Variants in HEATR5B observed in about 807,000 individuals in gnomAD.
HEATR5B encodes the protein HEAT repeat-containing protein 5B.
HEATR5B carries 156 observed loss-of-function variants against 224.1 expected under a neutral mutation model. The ratio of observed to expected loss-of-function variants is 0.70; its 90% CI spans 0.61 to 0.80. HEATR5B has a LOEUF of 0.80. HEATR5B is among the 30% of genes least tolerant of loss of function. The pLI is 0.00. For missense variants in HEATR5B, 2,323 were observed against 2,535.5 expected, an observed-to-expected ratio of 0.92 and a Z score of 1.80; for synonymous variants, 1,027 against 893.0, an observed-to-expected ratio of 1.15 and a Z score of -2.68.
At position 37,056,565 on chromosome 2, in the gene HEATR5B, G is replaced by A; in HGVS notation, c.2274C>T (p.Ser758=). The A allele has an allele frequency of 6.2e-7, 1 of 1,613,024 alleles. No homozygotes were observed. The highest frequency in any genetic ancestry group is 8.5e-7 in the Non-Finnish European group (1 of 1,179,466). The change falls in exon 16 of 36, where the codon TCC becomes TCT. Residue 758 remains serine (S), a synonymous_variant. Coordinates refer to ENST00000233099, the MANE Select transcript of HEATR5B (RefSeq NM_019024.3). ...CAGCAGGTATGCGTAAATAAATAGA[G>A]GAAGGATCATGCTCCAGAGCCCCAC... The part of the protein sequence containing the change: ...SGSGALEHDP[S]SIYLRIPAGE...
chr2:37,058,631 G>A, intron 13 of HEATR5B, 71 bp from the exon 14 acceptor site: 1 of 1,029,696 alleles, frequency 9.7e-7, no homozygotes, highest in East Asian at 2.5e-5. Context: ...TTTTAGCAAT[G>A]TATCAATGTA....
At chr2:37,075,725 G>A (rs1373506716) in intron 4 of HEATR5B, 91 bp from the exon 5 acceptor site, 10 of 800,900 alleles carry the variant, frequency 1.2e-5, no homozygotes, top group East Asian at 2.9e-5. Context: ...TGGGTCTAAT[G>A]GTCTTACCTC....
Position 37,008,704 on chromosome 2 carries a change from G to T in HEATR5B, c.4429C>A (p.Leu1477Ile). Residue 1477 changes from leucine to isoleucine, a missense_variant, in exon 28 of 36, where the codon CTA becomes ATA. By Grantham distance (5) the Leu-to-Ile change is conservative. Coordinates refer to ENST00000233099, the MANE Select transcript of HEATR5B (RefSeq NM_019024.3). ...DSLITLVQPELPTLSRLWLAA... is the reference protein window; with the variant it reads ...DSLITLVQPEIPTLSRLWLAA... Reference sequence around the variant, plus strand: ...AACCACAGGCGACTGAGTGTTGGTAGTTCAGGTTGTACCAGTGTTATTAAA... The same window carrying T: ...AACCACAGGCGACTGAGTGTTGGTATTTCAGGTTGTACCAGTGTTATTAAA... The T allele has an allele frequency of 6.2e-7, 1 of 1,614,106 alleles. No individual in the cohort carries two copies. The highest frequency in any genetic ancestry group is 8.5e-7 in the Non-Finnish European group (1 of 1,179,978).
chr2:37,063,434 A>G (rs1462215578), intron 10 of HEATR5B, among the ~76,000 whole-genome samples: 1 of 152,250 alleles, frequency 6.6e-6, no homozygotes, highest in Non-Finnish European at 1.5e-5. Flanking sequence ...CCAGTTTACC[A>G]GACAAAGGAG....
chr2:37,061,940 T>A lies in HEATR5B; in HGVS notation c.1695A>T (p.Leu565Phe), dbSNP rs774810555. The change falls in exon 11 of 36, where the codon TTA becomes TTT. Residue 565 changes from leucine (L) to phenylalanine (F), a missense_variant and splice_region_variant. Physicochemically the swap from Leu to Phe is conservative, Grantham distance 22 (BLOSUM62 0). Transcript: ENST00000233099. ...GWLLLGALMT[L>F]GPSVVRYHLP... ...AATCCTACTCAAATATAATTATACC[T>A]AAAGTCATAAGTGCTCCAAGTAAAA... 6.3e-7 allele frequency: 1 copy of A among 1,594,710 alleles called. No individual in the cohort carries two copies. The highest frequency in any genetic ancestry group is 8.6e-7 in the Non-Finnish European group (1 of 1,162,650).
intron 17 of HEATR5B, among the ~76,000 whole-genome samples, chr2:37,051,804 A>G (rs1405023509): frequency 6.6e-6 from 1 of 151,794 alleles, no homozygotes; most frequent in Non-Finnish European, 1.5e-5. Context: ...CAATGGCATG[A>G]TCTCGGCTCA....
Position 37,049,680 on chromosome 2 carries a change from G to C in HEATR5B, c.2669C>G (p.Ala890Gly). The C allele has an allele frequency of 1.9e-6, 3 of 1,613,780 alleles. No individual in the cohort carries two copies. In the South Asian group the frequency reaches 3.3e-5, roughly 18 times the overall value. ...AQVVGEATFI[A>G]RMAQYSFDKL... Reference sequence around the variant, plus strand: ...GTCAAAGCTATATTGGGCCATTCTAGCAATAAAAGTTGCTTCTCCAACCAC... The same window carrying C: ...GTCAAAGCTATATTGGGCCATTCTACCAATAAAAGTTGCTTCTCCAACCAC... The change falls in exon 18 of 36, where the codon GCT (alanine) becomes GGT (glycine). Residue 890 changes from alanine (A) to glycine (G), a missense_variant. Physicochemically the swap from Ala to Gly is moderately conservative, Grantham distance 60 (BLOSUM62 0). Coordinates refer to ENST00000233099, the MANE Select transcript of HEATR5B (RefSeq NM_019024.3).
At chr2:37,072,392 A>C (rs1387411540) in intron 5 of HEATR5B, 111 bp from the exon 6 acceptor site, 5 of 661,730 alleles carry the variant, frequency 7.6e-6, no homozygotes, top group Non-Finnish European at 7.5e-6. Context: ...AAACTCGACA[A>C]AATAAATGAA....
At chr2:36,990,905 G>T in intron 33 of HEATR5B, 106 bp from the exon 34 acceptor site, 2 of 924,344 alleles carry the variant, frequency 2.2e-6, no homozygotes, top group Non-Finnish European at 3.1e-6. Flanking sequence ...GTCCAGGCTG[G>T]TCTTGAACTC....
intron 5 of HEATR5B, among the ~76,000 whole-genome samples, chr2:37,075,189 A>C (rs1558380806): frequency 1.3e-5 from 2 of 152,364 alleles, no homozygotes; most frequent in East Asian, 3.9e-4. Flanking sequence ...GAGTGAACAA[A>C]TCAATGTGAC....
chr2:37,002,603 C>T, intron 31 of HEATR5B, 31 bp from the exon 32 acceptor site: 1 of 1,590,028 alleles, frequency 6.3e-7, no homozygotes, highest in Admixed American at 1.8e-5. Context: ...GTGAAATTTC[C>T]AGCCAAAAAA....
rs183434879 is a variant in HEATR5B at position 37,036,441 on chromosome 2, G to T, written c.3216+1414C>A. On this transcript the variant is annotated intron_variant, in intron 21 of 35. Coordinates refer to ENST00000233099, the MANE Select transcript of HEATR5B (RefSeq NM_019024.3). ...TTTTTCTTCCTGTCTAAAAGTAAAT[G>T]CTGTCTACTTCAATATCATGCCCTT... is the stretch of plus-strand genomic sequence containing the variant. Among the ~76,000 whole-genome samples, 7 of 152,064 alleles carry T rather than the reference G, an allele frequency of 4.6e-5. No individual in the cohort carries two copies. The East Asian group carries it at 1.4e-3, about 29-fold the overall frequency.
At chr2:36,995,087 GTTTT>G (rs775120824) in intron 33 of HEATR5B, among the ~76,000 whole-genome samples, 1 of 104,130 alleles carries the variant, frequency 9.6e-6, no homozygotes, top group Non-Finnish European at 1.9e-5. Flanking sequence ...GTTATTCCTT[GTTTT>G]TTTTTTTTTT....
At chr2:37,064,664 C>T in intron 10 of HEATR5B, 76 bp downstream of exon 10, 1 of 1,483,918 alleles carries the variant, frequency 6.7e-7, no homozygotes, top group East Asian at 2.3e-5. Flanking sequence ...CCCTGTTCAA[C>T]ACTAAACACA....
intron 35 of HEATR5B, among the ~76,000 whole-genome samples, chr2:36,983,610 C>A (rs368991189): frequency 6.2e-4 from 94 of 152,058 alleles, no homozygotes; most frequent in African/African-American, 2.2e-3. Flanking sequence ...TGCCTGTAAT[C>A]CCAGCTACTC....
chr2:37,013,766 C>A, intron 27 of HEATR5B, 75 bp downstream of exon 27: 3 of 1,312,652 alleles, frequency 2.3e-6, no homozygotes, highest in South Asian at 1.9e-5. Context: ...ATTTTTTTAC[C>A]AACAAGAGTA....
intron 24 of HEATR5B, among the ~76,000 whole-genome samples, chr2:37,025,880 A>G (rs1470742467): frequency 1.3e-5 from 2 of 152,164 alleles, no homozygotes; most frequent in Non-Finnish European, 2.9e-5. Context: ...TTATTTGGCA[A>G]TCAGCTTTTT....
intron 18 of HEATR5B, among the ~76,000 whole-genome samples, chr2:37,046,993 T>C (rs138396589): frequency 0.038 from 4,895 of 130,102 alleles, 114 homozygotes; most frequent in Non-Finnish European, 0.053. Flanking sequence ...GAGGTTGCAG[T>C]GAGCCAAGAT....
rs781266704 is a variant in HEATR5B at position 37,060,598 on chromosome 2, C to G, written c.1832G>C (p.Arg611Pro). The G allele has an allele frequency of 1.2e-6, 2 of 1,613,552 alleles. No homozygotes were observed. The highest frequency in any genetic ancestry group is 1.3e-5 in the African/African-American group (1 of 74,888). The change falls in exon 12 of 36, where the codon CGT becomes CCT. Residue 611 changes from arginine to proline, a missense_variant. Coordinates refer to ENST00000233099, the MANE Select transcript of HEATR5B (RefSeq NM_019024.3). ...SFTWQVTLEGRAGALCAMRSF... is the reference protein window; with the variant it reads ...SFTWQVTLEGPAGALCAMRSF... ...GTTCTTACCACATAGAGCTCCAGCA[C>G]GACCTTCCAAAGTTACCTGCCAGGT... is the stretch of plus-strand genomic sequence containing the variant.
Sources: allele counts gnomAD v4.1 joint callset (sites outside exome capture counted in the v4.1 genomes callset), GRCh38; gene constraint gnomAD v4.1.1; transcripts MANE v1.5; gene names NCBI Gene and HGNC (gene_info 2026-07-23, HGNC 2026-07-21).